The following SCN10A variants were observed in gnomAD, a reference collection of about 807,000 sequenced individuals.
SCN10A encodes sodium voltage-gated channel alpha subunit 10.
SCN10A carries 162 observed loss-of-function variants against 170.7 expected under a neutral mutation model. The observed-to-expected ratio is 0.95, with a 90% confidence interval of 0.84 to 1.08. The LOEUF (loss-of-function observed/expected upper bound fraction) is 1.08. SCN10A is among the 50% of genes least tolerant of loss of function. The probability of loss-of-function intolerance (pLI) is 0.00; values close to 1 mark genes in which losing one functional copy is unlikely to be tolerated. For synonymous variants in SCN10A, 985 were observed against 904.6 expected (o/e 1.09, Z -1.59); for missense variants, 2,527 against 2,436.9 (o/e 1.04, Z -0.78).
At chr3:38,770,077 A>G (rs1413434497) in intron 5 of SCN10A, among the ~76,000 whole-genome samples, 1 of 152,164 alleles carries the variant, frequency 6.6e-6, no homozygotes, top group Non-Finnish European at 1.5e-5. Flanking sequence ...CAGACTCAGG[A>G]CGTCTGGTTA....
At chr3:38,702,246 A>G (rs557363840) in intron 26 of SCN10A, 137 bp from the exon 27 acceptor site, 2 of 908,762 alleles carry the variant, frequency 2.2e-6, no homozygotes, top group African/African-American at 3.4e-5. Context: ...ACCTCTTCCA[A>G]AATTTCACTT....
Position 38,722,985 on chromosome 3 carries a change from T to C in SCN10A, c.3352+445A>G, listed in dbSNP as rs143601316. The stretch of plus-strand genomic sequence containing the variant: ...GAGAATGTAATGTGCCTCACTGTTC[T>C]AAACACTGAGAGGAAAGATGACTAA... On this transcript the variant is annotated intron_variant, in intron 19 of 27. Coordinates refer to ENST00000449082, the MANE Select transcript of SCN10A (RefSeq NM_006514.4). 5.2e-5 allele frequency among the ~76,000 whole-genome samples: 8 copies of C among 152,390 alleles called. No individual in the cohort carries two copies. The East Asian group carries it at 1.5e-3, about 29-fold the overall frequency.
intron 5 of SCN10A, among the ~76,000 whole-genome samples, chr3:38,771,027 C>A (rs566709145): frequency 2.0e-5 from 3 of 152,288 alleles, no homozygotes; most frequent in Admixed American, 1.3e-4. Context: ...AGGTTTCCCC[C>A]CCTCACACTT....
rs1220722210 is a variant in SCN10A, at chr3:38,752,399, G to A, written c.1575C>T (p.Val525=). ...GATGGCTTTCGTGGTCTCCAGGAAA[G>A]ACTCCATCATCTGTGACTCCCTCAG... ...SLPEGVTDDG[V]FPGDHESHRG... is the part of the protein sequence containing the mutation. The change falls in exon 12 of 28, where the codon GTC becomes GTT. Residue 525 remains valine (V), a synonymous_variant. Coordinates refer to ENST00000449082, the MANE Select transcript of SCN10A (RefSeq NM_006514.4). The A allele has an allele frequency of 1.2e-6, 2 of 1,613,974 alleles. No homozygotes were observed. Among genetic ancestry groups the A allele is most frequent in the Non-Finnish European group, 1.7e-6 (2 of 1,179,954 alleles).
chr3:38,771,235 C>T, intron 5 of SCN10A, 44 bp downstream of exon 5: 4 of 1,603,434 alleles, frequency 2.5e-6, no homozygotes, highest in South Asian at 2.2e-5. Context: ...CCATTTTGTC[C>T]CCTCTCCTAT....
At chr3:38,731,603 TCC>T (rs2063513747) in intron 15 of SCN10A, among the ~76,000 whole-genome samples, 1 of 152,154 alleles carries the variant, frequency 6.6e-6, no homozygotes, top group Non-Finnish European at 1.5e-5. Context: ...TGAAACTCCC[TCC>T]CCTTGTGTGA....
chr3:38,697,060 A>G lies in SCN10A; in HGVS notation c.*289T>C, dbSNP rs929001425. The G allele has an allele frequency of 7.1e-6, 3 of 425,238 alleles. No homozygotes were observed. In the Admixed American group the frequency reaches 1.1e-4, roughly 16 times the overall value. The allele number at this position is 425,238 out of a possible 1,614,324, so 26.3% of individuals were successfully genotyped here. Reference sequence around the variant, plus strand: ...TCAGTAAATATAATCTGATTACAACAAAAATAAAAGGACAAGGGATATTTT... The same window carrying G: ...TCAGTAAATATAATCTGATTACAACGAAAATAAAAGGACAAGGGATATTTT... On this transcript the variant is annotated 3_prime_UTR_variant, in exon 28 of 28. Transcript: ENST00000449082.
chr3:38,703,458 A>G (rs1158761614), intron 26 of SCN10A, among the ~76,000 whole-genome samples: 1 of 152,188 alleles, frequency 6.6e-6, no homozygotes, highest in East Asian at 1.9e-4. Flanking sequence ...GTTGTGTACA[A>G]TCAGTGTCCC....
Position 38,723,500 on chromosome 3 carries a change from A to T in SCN10A, c.3282T>A (p.Pro1094=). The T allele has an allele frequency of 6.2e-7, 1 of 1,613,606 alleles. No individual in the cohort carries two copies. The highest frequency in any genetic ancestry group is 8.5e-7 in the Non-Finnish European group (1 of 1,179,762). ...SEGSTVDCLD[P]EEILRKIPEL... ...CAGGGATCTTCCTCAGGATTTCCTC[A>T]GGATCTAGGCAGTCCACCGTGCTGC... The change falls in exon 19 of 28, where the codon CCT becomes CCA. Residue 1094 remains proline, a synonymous_variant. Coordinates refer to ENST00000449082, the MANE Select transcript of SCN10A (RefSeq NM_006514.4).
intron 1 of SCN10A, among the ~76,000 whole-genome samples, chr3:38,813,226 G>T (rs2064451618): frequency 6.6e-6 from 1 of 152,106 alleles, no homozygotes; most frequent in Non-Finnish European, 1.5e-5. Flanking sequence ...ACCTGCTGAT[G>T]AATTCATTCT....
At chr3:38,759,980 G>T (rs1010248032) in intron 8 of SCN10A, among the ~76,000 whole-genome samples, 1 of 152,218 alleles carries the variant, frequency 6.6e-6, no homozygotes, top group Non-Finnish European at 1.5e-5. Context: ...TAGCTGTGAT[G>T]ATTAAGTGTA....
chr3:38,774,243 G>GA (rs2064044428), intron 4 of SCN10A, among the ~76,000 whole-genome samples: 3 of 152,076 alleles, frequency 2.0e-5, no homozygotes, highest in Admixed American at 2.0e-4. Flanking sequence ...TTCTAAATTA[G>GA]AAAATCTTAA....
At position 38,740,876 on chromosome 3, in the gene SCN10A, G is replaced by A. The variant is rs117971941; in HGVS notation, c.2107-1188C>T. ...TTTTCTAACTGTAGAATGAGGGTGTGGGCTCAAATGTCTATTCCATAAGGC... is the reference window on the plus strand; with the variant it reads ...TTTTCTAACTGTAGAATGAGGGTGTAGGCTCAAATGTCTATTCCATAAGGC... On this transcript the variant is annotated intron_variant, in intron 14 of 27. Transcript: ENST00000449082. 6.0e-3 allele frequency among the ~76,000 whole-genome samples: 907 copies of A among 152,260 alleles called. 25 individuals carry two copies. Among genetic ancestry groups the A allele is most frequent in the East Asian group, 0.047 (245 of 5,178 alleles).
chr3:38,732,489 C>A (rs1376597222), intron 15 of SCN10A, among the ~76,000 whole-genome samples: 2 of 152,142 alleles, frequency 1.3e-5, no homozygotes. Context: ...TGTTAACTCA[C>A]AGATTTAGAG....
intron 5 of SCN10A, among the ~76,000 whole-genome samples, chr3:38,769,428 G>A (rs199618633): frequency 2.6e-5 from 4 of 151,748 alleles, no homozygotes; most frequent in East Asian, 3.9e-4. Flanking sequence ...TAGTAGAGAC[G>A]GGGTTTCTCC....
intron 1 of SCN10A, among the ~76,000 whole-genome samples, chr3:38,805,167 T>C (rs2064397478): frequency 6.6e-6 from 1 of 152,138 alleles, no homozygotes; most frequent in Non-Finnish European, 1.5e-5. Flanking sequence ...CTGCATGGTA[T>C]GACTTAGCTG....
chr3:38,772,108 T>C (rs1047726197), intron 4 of SCN10A, among the ~76,000 whole-genome samples: 1 of 152,122 alleles, frequency 6.6e-6, no homozygotes, highest in Non-Finnish European at 1.5e-5. Flanking sequence ...AGGGAAACAG[T>C]TGCATACTGA....
chr3:38,777,244 A>G (rs1237530786), intron 4 of SCN10A, among the ~76,000 whole-genome samples: 2 of 152,090 alleles, frequency 1.3e-5, no homozygotes, highest in Admixed American at 6.6e-5. Context: ...TGCAGATAAT[A>G]TAACTGTCTA....
At chr3:38,736,949 T>TAGCA (rs1338899113) in intron 15 of SCN10A, among the ~76,000 whole-genome samples, 3 of 143,376 alleles carry the variant, frequency 2.1e-5, no homozygotes, top group Non-Finnish European at 4.5e-5. Flanking sequence ...TCCCCAAGTG[T>TAGCA]AGCAGAAATG....
Sources: gnomAD v4.1 joint callset for allele counts (sites outside exome capture counted in the v4.1 genomes callset) on GRCh38, gnomAD v4.1.1 for gene constraint, MANE v1.5 for transcripts, NCBI Gene and HGNC (gene_info 2026-07-23, HGNC 2026-07-21) for gene names.